Variants in CDH4 observed in about 807,000 individuals in gnomAD.
The protein encoded by CDH4 is cadherin 4, also known as cadherin-4.
In CDH4, 33 loss-of-function variants were observed where a neutral mutation model predicts 86.0. That is an observed-to-expected ratio of 0.38 (90% CI 0.29 to 0.51). The LOEUF (loss-of-function observed/expected upper bound fraction) is 0.51. Among genes scored for constraint, CDH4 ranks in the 20% least tolerant of loss-of-function variants. The pLI, the probability that CDH4 is intolerant of heterozygous loss-of-function variation, is 0.86. For synonymous variants in CDH4, 555 were observed against 549.4 expected (o/e 1.01, Z -0.14); for missense variants, 1,114 against 1,307.4 (o/e 0.85, Z 2.28).
At chr20:61,877,033 C>A (rs1296051680) in intron 7 of CDH4, among the ~76,000 whole-genome samples, 2 of 152,200 alleles carry the variant, frequency 1.3e-5, no homozygotes, top group African/African-American at 4.8e-5. Context: ...GAGCCCACGA[C>A]CCCCTGGGGT....
At chr20:61,720,563 G>A (rs7509491) in intron 2 of CDH4, among the ~76,000 whole-genome samples, 5 of 145,006 alleles carry the variant, frequency 3.4e-5, no homozygotes, top group South Asian at 2.2e-4. Context: ...GTGCAGGGGT[G>A]CAGAGTACAG....
intron 4 of CDH4, among the ~76,000 whole-genome samples, chr20:61,788,241 TC>T (rs1978988995): frequency 2.6e-5 from 4 of 152,142 alleles, no homozygotes; most frequent in Admixed American, 2.0e-4. Context: ...TTGATTCTAC[TC>T]ATGAGCATGG....
chr20:61,301,261 G>A (rs1352406481), intron 2 of CDH4, among the ~76,000 whole-genome samples: 1 of 152,256 alleles, frequency 6.6e-6, no homozygotes, highest in Non-Finnish European at 1.5e-5. Context: ...GAGGGCTGCT[G>A]TGTCAGGCAG....
At position 61,811,688 on chromosome 20, in the gene CDH4, T is replaced by A. The variant is rs2146047637; in HGVS notation, c.577-32980T>A. ...CCCCTGGCTGCCTACTGAGCTTTTT[T>A]TTTTTTTTTTTTGAGTTGGCACCCC... On this transcript the variant is annotated intron_variant, in intron 4 of 15. Transcript: ENST00000614565. The surrounding 1 kb of genome is among the most constrained non-coding windows in gnomAD (Gnocchi z 4.4). 6.6e-6 allele frequency among the ~76,000 whole-genome samples: 1 copy of A among 150,642 alleles called. No homozygotes were observed. The highest frequency in any genetic ancestry group is 2.0e-4 in the East Asian group (1 of 5,110).
At chr20:61,658,962 G>T (rs2087222449) in intron 2 of CDH4, among the ~76,000 whole-genome samples, 1 of 152,204 alleles carries the variant, frequency 6.6e-6, no homozygotes, top group African/African-American at 2.4e-5. Context: ...CCCCGGAGCA[G>T]CGGCTCACCC....
At chr20:61,339,683 A>C (rs990961146) in intron 2 of CDH4, among the ~76,000 whole-genome samples, 2 of 152,096 alleles carry the variant, frequency 1.3e-5, no homozygotes, top group Non-Finnish European at 2.9e-5. Context: ...TTATGAATGA[A>C]ATTGTGACGT....
In CDH4 at chr20:61,252,496, G is replaced by GGGCGGGC. The variant is rs899133360; in HGVS notation, c.-11_-5dup. 7.8e-6 allele frequency: 9 copies of GGGCGGGC among 1,159,976 alleles called. No homozygotes were observed. The Admixed American group carries it at 2.9e-4, about 37-fold the overall frequency. The allele number at this position is 1,159,976 out of a possible 1,614,324, so 71.9% of individuals were successfully genotyped here. ...GAGCGGGCTCCCGGTGCCGGGCACC[G>GGGCGGGC]GGCGGGCGGCGGGGAAGATGACCGC... On this transcript the variant is annotated 5_prime_UTR_variant, in exon 1 of 16. Coordinates refer to ENST00000614565, the MANE Select transcript of CDH4 (RefSeq NM_001794.5). This position sits in a 1 kb window ranked among gnomAD's most constrained non-coding sequence, Gnocchi z 4.4.
In CDH4 at chr20:61,879,081, A is replaced by T. The variant is rs1984165619; in HGVS notation, c.1050+5181A>T. Among the ~76,000 whole-genome samples, 1 of 152,360 alleles carries T rather than the reference A, an allele frequency of 6.6e-6. No homozygotes were observed. Among genetic ancestry groups the T allele is most frequent in the Admixed American group, 6.5e-5 (1 of 15,300 alleles). On this transcript the variant is annotated intron_variant, in intron 7 of 15. Transcript: ENST00000614565. The surrounding 1 kb of genome is among the most constrained non-coding windows in gnomAD (Gnocchi z 4.1). Reference sequence around the variant, plus strand: ...CAACAGGTTTTAAGACAACGGCTCCAGGACCACCGTTGCCAGGCATTAGTA... The same window carrying T: ...CAACAGGTTTTAAGACAACGGCTCCTGGACCACCGTTGCCAGGCATTAGTA...
intron 2 of CDH4, among the ~76,000 whole-genome samples, chr20:61,296,053 G>A (rs2084350220): frequency 6.6e-6 from 1 of 152,278 alleles, no homozygotes; most frequent in South Asian, 2.1e-4. Context: ...GCCGAGCCAG[G>A]ACGGTGGGGC....
chr20:61,880,734 G>A (rs369542199), intron 7 of CDH4, among the ~76,000 whole-genome samples: 1 of 152,202 alleles, frequency 6.6e-6, no homozygotes, highest in African/African-American at 2.4e-5. Context: ...GTTTGGGCGC[G>A]GTCCCCACAC....
intron 4 of CDH4, among the ~76,000 whole-genome samples, chr20:61,843,887 G>A (rs1389277299): frequency 6.6e-6 from 1 of 152,148 alleles, no homozygotes; most frequent in South Asian, 2.1e-4. Flanking sequence ...TCAAATCTCC[G>A]TGGCCTCCCC....
At chr20:61,450,179 C>G (rs1023260950) in intron 2 of CDH4, among the ~76,000 whole-genome samples, 1 of 152,178 alleles carries the variant, frequency 6.6e-6, no homozygotes, top group African/African-American at 2.4e-5. Context: ...ATGTTTAACC[C>G]AAGTCTGGTT....
chr20:61,483,691 G>A (rs1010769169), intron 2 of CDH4, among the ~76,000 whole-genome samples: 8 of 43,712 alleles, frequency 1.8e-4, no homozygotes, highest in African/African-American at 2.5e-4. Context: ...CCCCGCCCCC[G>A]CTGCCCCCAA....
In CDH4 at chr20:61,661,223, G is replaced by A. The variant is rs186426365; in HGVS notation, c.170-82340G>A. Among the ~76,000 whole-genome samples, 506 of 152,226 alleles carry A rather than the reference G, an allele frequency of 3.3e-3. 7 individuals carry two copies. Among genetic ancestry groups the A allele is most frequent in the East Asian group, 6.0e-3 (31 of 5,158 alleles). On this transcript the variant is annotated intron_variant, in intron 2 of 15. Transcript: ENST00000614565. ...GCTGTCACCGTCAGCCGGTGGTTCC[G>A]CCCGTCTGGGAGCTGGGAGGCCAGC...
At chr20:61,806,919 C>T (rs966803907) in intron 4 of CDH4, among the ~76,000 whole-genome samples, 3 of 152,152 alleles carry the variant, frequency 2.0e-5, no homozygotes, top group Admixed American at 6.5e-5. Flanking sequence ...GGGTAAGAGC[C>T]GCTGCACTCC....
intron 11 of CDH4, among the ~76,000 whole-genome samples, chr20:61,925,319 G>T (rs749452804): frequency 2.0e-5 from 3 of 152,204 alleles, no homozygotes; most frequent in African/African-American, 7.2e-5. Flanking sequence ...GAGGCAGGGC[G>T]GGTGGGAGCA....
chr20:61,450,620 A>G (rs955482680), intron 2 of CDH4, among the ~76,000 whole-genome samples: 1 of 152,008 alleles, frequency 6.6e-6, no homozygotes, highest in Non-Finnish European at 1.5e-5. Flanking sequence ...GTCTATTCCT[A>G]TTAAAAGCTC....
At chr20:61,395,230 A>G (rs1232815156) in intron 2 of CDH4, among the ~76,000 whole-genome samples, 4 of 152,088 alleles carry the variant, frequency 2.6e-5, no homozygotes, top group Non-Finnish European at 4.4e-5. Flanking sequence ...TTAGTCTTGT[A>G]ACTCCAAAAT....
chr20:61,528,111 C>T (rs900743784), intron 2 of CDH4, among the ~76,000 whole-genome samples: 5 of 152,116 alleles, frequency 3.3e-5, no homozygotes, highest in East Asian at 1.9e-4. Context: ...TGTGGTGGCT[C>T]ACGCCTGTAA....
Sources: gnomAD v4.1 joint callset for allele counts (sites outside exome capture counted in the v4.1 genomes callset) on GRCh38, gnomAD v4.1.1 for gene constraint, Gnocchi (gnomAD v3.1) non-coding constraint, MANE v1.5 for transcripts, NCBI Gene and HGNC (gene_info 2026-07-23, HGNC 2026-07-21) for gene names.